DCC: variants seen among roughly 807,000 people sequenced by gnomAD.
DCC encodes the protein DCC netrin 1 receptor.
Under a neutral mutation model 172.5 loss-of-function variants are expected in DCC, and 58 were observed. The observed-to-expected ratio is 0.34, with a 90% CI of 0.27 to 0.42. The LOEUF is 0.42. Ranked by LOEUF, DCC falls within the 10% of genes least tolerant of loss-of-function variation. DCC has a pLI of 1.00. For missense variants in DCC, 1,740 were observed against 1,791.0 expected (o/e 0.97, Z 0.51); for synonymous variants, 709 against 644.5 (o/e 1.10, Z -1.52).
chr18:52,936,565 C>T (rs757888645), intron 5 of DCC, among the ~76,000 whole-genome samples: 1 of 69,504 alleles, frequency 1.4e-5, no homozygotes, highest in African/African-American at 4.6e-5. Context: ...TAGAGGCCCC[C>T]GAGGGAAAAG....
chr18:52,404,246 C>G (rs912271952), intron 1 of DCC, among the ~76,000 whole-genome samples: 1 of 151,964 alleles, frequency 6.6e-6, no homozygotes, highest in African/African-American at 2.4e-5. Flanking sequence ...TAATGTAGAG[C>G]TTTAATGAAT....
intron 22 of DCC, among the ~76,000 whole-genome samples, chr18:53,439,058 C>G (rs1453690922): frequency 1.3e-5 from 2 of 152,150 alleles, no homozygotes; most frequent in Non-Finnish European, 2.9e-5. Context: ...ACTGGAATAA[C>G]AAATTATTTC....
intron 1 of DCC, among the ~76,000 whole-genome samples, chr18:52,621,871 C>T (rs1467462815): frequency 6.6e-6 from 1 of 152,138 alleles, no homozygotes; most frequent in East Asian, 1.9e-4. Context: ...CTTGCTTTGC[C>T]ATGAAGGGGA....
chr18:53,036,394 A>G (rs569698571), intron 5 of DCC, among the ~76,000 whole-genome samples: 5 of 152,210 alleles, frequency 3.3e-5, no homozygotes, highest in African/African-American at 1.2e-4. Flanking sequence ...AACTGCACCC[A>G]GCTGAACCAA....
chr18:52,527,392 T>C (rs2032015271), intron 1 of DCC, among the ~76,000 whole-genome samples: 1 of 152,246 alleles, frequency 6.6e-6, no homozygotes. Flanking sequence ...TAGCTGGTGA[T>C]TCCACCAATG....
chr18:52,690,594 G>T (rs192158077), intron 1 of DCC, among the ~76,000 whole-genome samples: 125 of 152,146 alleles, frequency 8.2e-4, no homozygotes, highest in Non-Finnish European at 1.6e-3. Context: ...TAATTCATTT[G>T]ATCCACACAA....
chr18:52,866,208 T>C (rs1370204101), intron 2 of DCC, among the ~76,000 whole-genome samples: 1 of 152,176 alleles, frequency 6.6e-6, no homozygotes, highest in Non-Finnish European at 1.5e-5. Context: ...GTTGTAGATG[T>C]GTGGTGTTAT....
intron 27 of DCC, among the ~76,000 whole-genome samples, chr18:53,510,225 T>C (rs2046233873): frequency 6.6e-6 from 1 of 152,126 alleles, no homozygotes; most frequent in African/African-American, 2.4e-5. Context: ...GCACACACAT[T>C]TCCCCAAACA....
intron 12 of DCC, among the ~76,000 whole-genome samples, chr18:53,222,747 G>A (rs1298812914): frequency 1.3e-5 from 2 of 151,792 alleles, no homozygotes; most frequent in African/African-American, 4.8e-5. Flanking sequence ...AATATGTGAG[G>A]TTTCCTATTG....
At chr18:52,864,961 G>T (rs1201771022) in intron 2 of DCC, among the ~76,000 whole-genome samples, 9 of 152,126 alleles carry the variant, frequency 5.9e-5, no homozygotes, top group Admixed American at 5.9e-4. Flanking sequence ...TGCCTCCCAG[G>T]TTCACGCCAT....
intron 12 of DCC, among the ~76,000 whole-genome samples, chr18:53,256,854 T>A (rs1421353607): frequency 2.0e-5 from 3 of 152,236 alleles, no homozygotes; most frequent in Non-Finnish European, 4.4e-5. Flanking sequence ...GCATGGAATG[T>A]TCTTCCATTT....
chr18:52,618,435 CT>C, intron 1 of DCC, among the ~76,000 whole-genome samples: 1 of 152,284 alleles, frequency 6.6e-6, no homozygotes, highest in Admixed American at 6.5e-5. Flanking sequence ...AAAAATGTCT[CT>C]CTCTAACTTC....
rs753962175 is a variant in DCC at position 52,340,254 on chromosome 18, C to G, written c.-534C>G. 5.1e-6 allele frequency: 1 copy of G among 195,592 alleles called. No homozygotes were observed. The highest frequency in any genetic ancestry group is 2.3e-5 in the African/African-American group (1 of 43,102). 12.1% of individuals were successfully genotyped at this position (195,592 alleles called of 1,614,324 possible). On this transcript the variant is annotated 5_prime_UTR_variant, in exon 1 of 29. Coordinates refer to ENST00000442544, the MANE Select transcript of DCC (RefSeq NM_005215.4). Reference sequence around the variant, plus strand: ...GAGAGCGCTCCACCCCGCAGTCCCCCCCGCCTCTCCTCCCTGGGTCCCCTC... The same window carrying G: ...GAGAGCGCTCCACCCCGCAGTCCCCGCCGCCTCTCCTCCCTGGGTCCCCTC...
chr18:52,409,822 G>A (rs1224161142), intron 1 of DCC, among the ~76,000 whole-genome samples: 1 of 152,098 alleles, frequency 6.6e-6, no homozygotes, highest in African/African-American at 2.4e-5. Flanking sequence ...AGGTAGGAAG[G>A]GCAAGTATCA....
intron 27 of DCC, chr18:53,505,151 G>T (rs561334237): frequency 1.3e-5 from 2 of 152,256 alleles, no homozygotes; most frequent in African/African-American, 4.8e-5. Context: ...ATTACATGGA[G>T]AGGAGATGTT....
At chr18:52,851,074 AAC>A (rs1240251417) in intron 2 of DCC, among the ~76,000 whole-genome samples, 1 of 152,140 alleles carries the variant, frequency 6.6e-6, no homozygotes, top group Non-Finnish European at 1.5e-5. Flanking sequence ...TATAATTAAT[AAC>A]ACATTCATAG....
At chr18:52,406,011 A>G (rs889785513) in intron 1 of DCC, among the ~76,000 whole-genome samples, 3 of 149,362 alleles carry the variant, frequency 2.0e-5, no homozygotes, top group African/African-American at 7.4e-5. Flanking sequence ...CCTCAGAAAT[A>G]ACGCCGCATA....
intron 26 of DCC, among the ~76,000 whole-genome samples, chr18:53,496,943 AAAG>A (rs1306059851): frequency 2.0e-5 from 3 of 152,354 alleles, no homozygotes; most frequent in Admixed American, 6.5e-5. Flanking sequence ...AGGGAGTAAA[AAAG>A]GAAATAAAAC....
intron 5 of DCC, among the ~76,000 whole-genome samples, chr18:53,009,058 C>T (rs946112241): frequency 2.0e-5 from 3 of 151,796 alleles, no homozygotes; most frequent in Admixed American, 6.6e-5. Flanking sequence ...ATTAATCATC[C>T]TCATGCCGCT....
Sources: gnomAD v4.1 joint callset for allele counts (sites outside exome capture counted in the v4.1 genomes callset) on GRCh38, gnomAD v4.1.1 for gene constraint, MANE v1.5 for transcripts, NCBI Gene and HGNC (gene_info 2026-07-23, HGNC 2026-07-21) for gene names.